Variants in RIMS1 observed in about 807,000 individuals in gnomAD.
RIMS1 encodes the protein regulating synaptic membrane exocytosis 1, also known as regulating synaptic membrane exocytosis protein 1.
A neutral mutation model predicts 214.1 loss-of-function variants in RIMS1; 83 were observed. That is an observed-to-expected ratio of 0.39 (90% confidence interval 0.32 to 0.47). The LOEUF is 0.47. Ranked by LOEUF, RIMS1 falls within the 20% of genes least tolerant of loss-of-function variation. The pLI, the probability that RIMS1 is intolerant of heterozygous loss-of-function variation, is 0.99. For synonymous variants in RIMS1, 793 were observed against 786.8 expected (o/e 1.01, Z -0.13); for missense variants, 2,050 against 2,161.8 (o/e 0.95, Z 1.03).
chr6:72,154,150 AT>A (rs2044130139), intron 4 of RIMS1, among the ~76,000 whole-genome samples: 2 of 142,652 alleles, frequency 1.4e-5, no homozygotes, highest in Non-Finnish European at 1.6e-5. Context: ...TGTATATGAA[AT>A]AGCTACAAAT....
At chr6:72,370,596 TC>T (rs1268603765) in intron 29 of RIMS1, among the ~76,000 whole-genome samples, 1 of 152,166 alleles carries the variant, frequency 6.6e-6, no homozygotes, top group African/African-American at 2.4e-5. Context: ...GTTTCCTTCC[TC>T]CCCCACCAGG....
intron 1 of RIMS1, among the ~76,000 whole-genome samples, chr6:71,946,898 A>C (rs1324335161): frequency 4.6e-5 from 7 of 151,996 alleles, no homozygotes. Context: ...ATCTGATAAG[A>C]GGTTAGTATC....
At chr6:72,018,682 G>A (rs994988075) in intron 2 of RIMS1, among the ~76,000 whole-genome samples, 2 of 152,112 alleles carry the variant, frequency 1.3e-5, no homozygotes, top group Admixed American at 1.3e-4. Context: ...TCCATTTAGA[G>A]GCTGGAGAGA....
chr6:72,394,596 ATTTTGGAAGCAATAAT>A (rs1412763928), intron 31 of RIMS1, among the ~76,000 whole-genome samples: 2 of 152,098 alleles, frequency 1.3e-5, no homozygotes, highest in Non-Finnish European at 2.9e-5. Context: ...AATATTGAAA[ATTTTGGAAGCAATAAT>A]TTTTGGAAGA....
At chr6:72,025,910 A>C (rs1055725382) in intron 2 of RIMS1, among the ~76,000 whole-genome samples, 1 of 152,214 alleles carries the variant, frequency 6.6e-6, no homozygotes, top group Non-Finnish European at 1.5e-5. Context: ...TGGTGCTAGA[A>C]AAGGTCATCC....
intron 4 of RIMS1, among the ~76,000 whole-genome samples, chr6:72,166,587 C>T (rs1013358363): frequency 3.3e-5 from 5 of 151,650 alleles, no homozygotes; most frequent in South Asian, 2.1e-4. Flanking sequence ...TAAAAATTAT[C>T]TTGCTAGGTA....
intron 22 of RIMS1, among the ~76,000 whole-genome samples, chr6:72,271,351 A>G (rs1054080573): frequency 6.8e-6 from 1 of 147,620 alleles, no homozygotes; most frequent in African/African-American, 2.5e-5. Context: ...GTTTAAAATA[A>G]TAGGGAAAAA....
At chr6:72,008,566 A>G (rs892656299) in intron 2 of RIMS1, among the ~76,000 whole-genome samples, 1 of 152,226 alleles carries the variant, frequency 6.6e-6, no homozygotes, top group South Asian at 2.1e-4. Context: ...AGTGTGCTCT[A>G]TTCAGGAGAC....
chr6:71,966,874 G>A (rs1485687697), intron 1 of RIMS1, among the ~76,000 whole-genome samples: 2 of 152,088 alleles, frequency 1.3e-5, no homozygotes, highest in Non-Finnish European at 2.9e-5. Context: ...CCTATCTTTA[G>A]TGTTGCTTAA....
chr6:72,251,766 A>G (rs930336997), intron 15 of RIMS1, among the ~76,000 whole-genome samples: 1 of 152,002 alleles, frequency 6.6e-6, no homozygotes, highest in Non-Finnish European at 1.5e-5. Context: ...GCTGGAGTGC[A>G]TTGGCGTGAT....
intron 24 of RIMS1, among the ~76,000 whole-genome samples, chr6:72,287,908 C>A (rs2807539): frequency 0.34 from 52,322 of 151,996 alleles, 9,477 homozygotes; most frequent in Non-Finnish European, 0.4. Flanking sequence ...AAATGAGGAG[C>A]TGTAAATATA....
intron 2 of RIMS1, among the ~76,000 whole-genome samples, chr6:71,998,227 T>C (rs1177767283): frequency 1.3e-5 from 2 of 152,180 alleles, no homozygotes; most frequent in Non-Finnish European, 2.9e-5. Context: ...TTTAGAATAT[T>C]ATTGTAATCA....
At chr6:72,221,819 T>A (rs1257203381) in intron 6 of RIMS1, among the ~76,000 whole-genome samples, 1 of 152,032 alleles carries the variant, frequency 6.6e-6, no homozygotes. Context: ...GTATTTCTCA[T>A]GGATTCTATA....
Position 72,182,310 on chromosome 6 carries a change from A to C in RIMS1, c.839A>C (p.Gln280Pro). 6.2e-7 allele frequency: 1 copy of C among 1,601,944 alleles called. No individual in the cohort carries two copies. The highest frequency in any genetic ancestry group is 8.5e-7 in the Non-Finnish European group (1 of 1,174,546). Residue 280 changes from glutamine (Q) to proline (P), a missense_variant, in exon 6 of 34, where the codon CAG becomes CCG. Physicochemically the swap from Gln to Pro is moderately conservative, Grantham distance 76. Coordinates refer to ENST00000521978, the MANE Select transcript of RIMS1 (RefSeq NM_014989.7). The part of the protein sequence containing the change: ...ERKKTPGLSE[Q>P]NGKGALKSER... ...AAGAAGACCCCAGGGCTTTCCGAGC[A>C]GAATGGCAAAGGAGCCCTGAAGAGC...
At chr6:71,908,775 CT>C (rs1364046502) in intron 1 of RIMS1, among the ~76,000 whole-genome samples, 4 of 152,102 alleles carry the variant, frequency 2.6e-5, no homozygotes, top group Non-Finnish European at 4.4e-5. Flanking sequence ...ACCTTTTCAT[CT>C]TGTAATTAAC....
intron 2 of RIMS1, among the ~76,000 whole-genome samples, chr6:72,004,930 C>G (rs1806848149): frequency 6.6e-6 from 1 of 151,984 alleles, no homozygotes; most frequent in Non-Finnish European, 1.5e-5. Flanking sequence ...GTGTTTTAGA[C>G]ATGAAGTCCT....
chr6:72,261,957 TG>T (rs2078226498), intron 19 of RIMS1: 1 of 984,490 alleles, frequency 1.0e-6, no homozygotes, highest in Admixed American at 6.2e-5. Flanking sequence ...TACTTGTTCT[TG>T]ACAAACAGTT....
At chr6:72,329,832 G>A (rs930885115) in intron 28 of RIMS1, among the ~76,000 whole-genome samples, 11 of 151,710 alleles carry the variant, frequency 7.3e-5, no homozygotes, top group African/African-American at 2.2e-4. Context: ...TGGAGAGGGA[G>A]CAGGTTTTTT....
intron 2 of RIMS1, among the ~76,000 whole-genome samples, chr6:72,044,081 T>A (rs1196309210): frequency 6.6e-6 from 1 of 151,684 alleles, no homozygotes; most frequent in Non-Finnish European, 1.5e-5. Flanking sequence ...CAGTAAATGT[T>A]TAAAAATAAA....
Sources: gnomAD v4.1 joint callset for allele counts (sites outside exome capture counted in the v4.1 genomes callset) on GRCh38, gnomAD v4.1.1 for gene constraint, MANE v1.5 for transcripts, NCBI Gene and HGNC (gene_info 2026-07-23, HGNC 2026-07-21) for gene names.